Variants in PECR observed in about 807,000 individuals in gnomAD.
PECR encodes the protein peroxisomal trans-2-enoyl-CoA reductase.
Under a neutral mutation model 35.3 loss-of-function variants are expected in PECR, and 30 were observed. That is an observed-to-expected ratio of 0.85 (90% CI 0.64 to 1.15). The LOEUF (loss-of-function observed/expected upper bound fraction) is 1.15, where lower values mean the gene tolerates loss of function less well. PECR is among the 50% of genes most tolerant of loss of function. The probability of loss-of-function intolerance (pLI) is 0.00; values close to 1 mark genes in which losing one functional copy is unlikely to be tolerated. For synonymous variants in PECR, 148 were observed against 138.9 expected (o/e 1.07, Z -0.46); for missense variants, 392 against 370.8 (o/e 1.06, Z -0.47).
chr2:216,078,476 C>T (rs1383712792), intron 1 of PECR, among the ~76,000 whole-genome samples: 4 of 151,740 alleles, frequency 2.6e-5, no homozygotes, highest in Non-Finnish European at 4.4e-5. Flanking sequence ...ATTAAAAATA[C>T]TGCTCAGGAG....
chr2:216,057,345 G>T (rs1022792083), intron 4 of PECR, among the ~76,000 whole-genome samples: 1 of 152,030 alleles, frequency 6.6e-6, no homozygotes, highest in African/African-American at 2.4e-5. Context: ...TATAAAAGTG[G>T]CATATTAGCC....
intron 5 of PECR, among the ~76,000 whole-genome samples, chr2:216,050,591 C>G (rs1210623414): frequency 2.6e-5 from 4 of 152,148 alleles, no homozygotes; most frequent in Non-Finnish European, 5.9e-5. Flanking sequence ...ATAACACCTA[C>G]TGATATTACA....
At chr2:216,070,792 A>T (rs1362058642) in intron 1 of PECR, among the ~76,000 whole-genome samples, 1 of 152,200 alleles carries the variant, frequency 6.6e-6, no homozygotes, top group Non-Finnish European at 1.5e-5. Context: ...ACAGGTTCAC[A>T]TTATTGCTAA....
rs1363893798 is a variant in PECR, at chr2:216,049,314, AAAG to A, written c.660_662del (p.Phe221del). On this transcript the variant is annotated inframe_deletion, in exon 6 of 8. Transcript: ENST00000265322. ...CGGGGATTTTCTGAAAAGACCCTTC[AAAG>A]AAGCTTTGTCCCCAGGAACCATAGT... is the stretch of plus-strand genomic sequence containing the variant. The A allele has an allele frequency of 2.6e-5, 41 of 1,605,868 alleles. No individual in the cohort carries two copies. The highest frequency in any genetic ancestry group is 3.3e-5 in the Non-Finnish European group (39 of 1,172,494).
chr2:216,078,730 T>A (rs1469255890), intron 1 of PECR, among the ~76,000 whole-genome samples: 1 of 152,204 alleles, frequency 6.6e-6, no homozygotes, highest in Non-Finnish European at 1.5e-5. Flanking sequence ...TTCATCAGAA[T>A]CTCAGACAGA....
Position 216,058,890 on chromosome 2 carries a change from CT to C in PECR, c.506+4del. On this transcript the variant is annotated splice_donor_region_variant and intron_variant, in intron 4 of 7. Coordinates refer to ENST00000265322, the MANE Select transcript of PECR (RefSeq NM_018441.6). The stretch of plus-strand genomic sequence containing the variant: ...TTAGAAAGAAAACTATATAAAAACG[CT>C]TACACAGCTAATGGAAATCCAGCTT... 6.5e-7 allele frequency: 1 copy of C among 1,539,384 alleles called. No individual in the cohort carries two copies. The highest frequency in any genetic ancestry group is 9.0e-7 in the Non-Finnish European group (1 of 1,112,256).
rs138522623 is a variant in PECR, at chr2:216,051,797, G to A, written c.507-252C>T. 3.2e-4 allele frequency among the ~76,000 whole-genome samples: 49 copies of A among 152,266 alleles called. No homozygotes were observed. In the East Asian group the frequency reaches 8.1e-3, roughly 25 times the overall value. The stretch of plus-strand genomic sequence containing the variant: ...CAGATAAGGCTCCCCAAATCACTAC[G>A]TAAGAGGAATACTTTAAAGAACTTT... On this transcript the variant is annotated intron_variant, in intron 4 of 7. Transcript: ENST00000265322.
chr2:216,053,533 C>T (rs1472891652), intron 4 of PECR, among the ~76,000 whole-genome samples: 3 of 152,086 alleles, frequency 2.0e-5, no homozygotes, highest in Admixed American at 6.6e-5. Flanking sequence ...CGTGAGCCAC[C>T]GGGCCTGGCC....
chr2:216,056,073 T>C (rs189619101), intron 4 of PECR, among the ~76,000 whole-genome samples: 62 of 152,256 alleles, frequency 4.1e-4, no homozygotes, highest in African/African-American at 1.4e-3. Flanking sequence ...ACACCTTCTC[T>C]CTCTAGCTGA....
chr2:216,061,211 A>G lies in PECR; in HGVS notation c.425-2235T>C, dbSNP rs1417721370. On this transcript the variant is annotated intron_variant, in intron 3 of 7. Coordinates refer to ENST00000265322, the MANE Select transcript of PECR (RefSeq NM_018441.6). Reference sequence around the variant, plus strand: ...TATGCACCTGTACCTCCAGCTACTCAGGAGGTGGAAGAATCGATTGAGCCC... The same window carrying G: ...TATGCACCTGTACCTCCAGCTACTCGGGAGGTGGAAGAATCGATTGAGCCC... Among the ~76,000 whole-genome samples the G allele has an allele frequency of 5.5e-5, 8 of 145,478 alleles. No homozygotes were observed. In the East Asian group the frequency reaches 1.7e-3, roughly 30 times the overall value.
chr2:216,065,277 A>C (rs1335602534), intron 3 of PECR, 35 bp downstream of exon 3: 1 of 1,453,496 alleles, frequency 6.9e-7, no homozygotes, highest in Non-Finnish European at 9.7e-7. Context: ...CTCTAAATAA[A>C]GACATGTTGA....
At chr2:216,073,740 T>A (rs1166670971) in intron 1 of PECR, among the ~76,000 whole-genome samples, 2 of 152,212 alleles carry the variant, frequency 1.3e-5, no homozygotes, top group Admixed American at 1.3e-4. Context: ...TACTATTTCC[T>A]GCAGCCTTCA....
rs374577312 is a variant in PECR at position 216,065,489 on chromosome 2, C to T, written c.259-12G>A. ...ACCAAATTATTCACCTAAAGAAGAA[C>T]AGTAGAAGTTACTAAAAGGAAAAGT... On this transcript the variant is annotated splice_polypyrimidine_tract_variant and intron_variant, in intron 2 of 7. Transcript: ENST00000265322. 20 of 1,546,314 alleles carry T rather than the reference C, an allele frequency of 1.3e-5. No homozygotes were observed. Among genetic ancestry groups the T allele is most frequent in the Non-Finnish European group, 1.8e-5 (20 of 1,118,480 alleles).
intron 4 of PECR, among the ~76,000 whole-genome samples, chr2:216,058,602 C>T (rs376398575): frequency 6.6e-6 from 1 of 152,036 alleles, no homozygotes; most frequent in Non-Finnish European, 1.5e-5. Flanking sequence ...TTAGTCACAT[C>T]GGGATTAGAG....
chr2:216,049,021 G>T (rs1201837140), intron 6 of PECR, among the ~76,000 whole-genome samples: 2 of 151,996 alleles, frequency 1.3e-5, no homozygotes, highest in African/African-American at 4.8e-5. Context: ...TGAAAATACA[G>T]TAAAACAAAC....
intron 6 of PECR, among the ~76,000 whole-genome samples, chr2:216,047,669 A>T (rs1033246261): frequency 1.3e-5 from 2 of 152,248 alleles, no homozygotes; most frequent in Admixed American, 6.5e-5. Flanking sequence ...TACACAGTAC[A>T]TAAATAAATA....
At chr2:216,030,567 G>A (rs191444528) in intron 7 of PECR, among the ~76,000 whole-genome samples, 10 of 151,314 alleles carry the variant, frequency 6.6e-5, no homozygotes, top group Admixed American at 3.3e-4. Flanking sequence ...TTTTTGAGAC[G>A]GGGTCTCGCC....
intron 1 of PECR, among the ~76,000 whole-genome samples, chr2:216,080,363 A>T (rs981420188): frequency 6.6e-6 from 1 of 152,216 alleles, no homozygotes; most frequent in Non-Finnish European, 1.5e-5. Flanking sequence ...GGCGTGAGCC[A>T]CTGCGCCAGG....
At chr2:216,060,098 T>C (rs1695304841) in intron 3 of PECR, among the ~76,000 whole-genome samples, 1 of 152,216 alleles carries the variant, frequency 6.6e-6, no homozygotes, top group African/African-American at 2.4e-5. Flanking sequence ...CATACAAGTC[T>C]TACACTTTTT....
Sources: allele counts gnomAD v4.1 joint callset (sites outside exome capture counted in the v4.1 genomes callset), GRCh38; gene constraint gnomAD v4.1.1; transcripts MANE v1.5; gene names NCBI Gene and HGNC (gene_info 2026-07-23, HGNC 2026-07-21).